The following PTPRT variants were observed in gnomAD, a reference collection of about 807,000 sequenced individuals.
PTPRT encodes protein tyrosine phosphatase receptor type T.
A neutral mutation model predicts 176.8 loss-of-function variants in PTPRT; 56 were observed. The ratio of observed to expected loss-of-function variants is 0.32; its 90% CI spans 0.26 to 0.40. The LOEUF is 0.40. Ranked by LOEUF, PTPRT falls within the 10% of genes least tolerant of loss-of-function variation. The pLI, the probability that PTPRT is intolerant of heterozygous loss-of-function variation, is 1.00. For synonymous variants in PTPRT, 783 were observed against 739.0 expected (o/e 1.06, Z -0.96); for missense variants, 1,540 against 1,908.2 (o/e 0.81, Z 3.60).
chr20:42,298,858 T>A (rs940612634), intron 12 of PTPRT, among the ~76,000 whole-genome samples: 6 of 150,658 alleles, frequency 4.0e-5, no homozygotes, highest in Non-Finnish European at 8.9e-5. Context: ...GAGGGGGAGG[T>A]TGCAGTTGAG....
intron 9 of PTPRT, among the ~76,000 whole-genome samples, chr20:42,400,034 T>G (rs955345182): frequency 6.6e-6 from 1 of 152,200 alleles, no homozygotes; most frequent in African/African-American, 2.4e-5. Context: ...TGGTCCACTT[T>G]GAAATGCACT....
At chr20:42,542,450 C>A (rs754080012) in intron 7 of PTPRT, among the ~76,000 whole-genome samples, 3 of 152,040 alleles carry the variant, frequency 2.0e-5, no homozygotes, top group Non-Finnish European at 2.9e-5. Flanking sequence ...AAATTCCAGA[C>A]ACATAAAATG....
intron 13 of PTPRT, among the ~76,000 whole-genome samples, chr20:42,255,678 T>C (rs1568713384): frequency 6.6e-6 from 1 of 152,246 alleles, no homozygotes; most frequent in Non-Finnish European, 1.5e-5. Context: ...TCTGAAGTGC[T>C]CTCACTGGTG....
chr20:42,696,457 TA>T (rs1382124322), intron 6 of PTPRT, among the ~76,000 whole-genome samples: 2 of 63,252 alleles, frequency 3.2e-5, no homozygotes, highest in Non-Finnish European at 6.0e-5. Context: ...CCACATGAAT[TA>T]TTTTTTTTTT....
intron 7 of PTPRT, among the ~76,000 whole-genome samples, chr20:42,625,409 A>T (rs931069073): frequency 1.3e-5 from 2 of 152,314 alleles, no homozygotes; most frequent in East Asian, 3.9e-4. Flanking sequence ...AGCACCTAGC[A>T]TATGAAACAT....
chr20:43,040,606 T>G (rs1448311747), intron 1 of PTPRT, among the ~76,000 whole-genome samples: 1 of 152,206 alleles, frequency 6.6e-6, no homozygotes, highest in Non-Finnish European at 1.5e-5. Flanking sequence ...TCCCTCGCTG[T>G]CCTTGGTCCT....
At chr20:42,859,826 TCGTGATC>T (rs757265788) in intron 2 of PTPRT, among the ~76,000 whole-genome samples, 2 of 151,638 alleles carry the variant, frequency 1.3e-5, no homozygotes, top group Non-Finnish European at 2.9e-5. Flanking sequence ...TCTCCTGACC[TCGTGATC>T]CACCCGCCTG....
At chr20:42,702,374 G>C (rs2075986552) in intron 6 of PTPRT, among the ~76,000 whole-genome samples, 1 of 152,192 alleles carries the variant, frequency 6.6e-6, no homozygotes, top group South Asian at 2.1e-4. Flanking sequence ...TAAAGAGGAA[G>C]CAGAGAGCCC....
At chr20:42,632,184 C>A (rs950570543) in intron 7 of PTPRT, among the ~76,000 whole-genome samples, 2 of 152,070 alleles carry the variant, frequency 1.3e-5, no homozygotes, top group African/African-American at 4.8e-5. Context: ...GCATTGCTGG[C>A]ACAACCCCAA....
chr20:43,079,005 G>A (rs538686886), intron 1 of PTPRT, among the ~76,000 whole-genome samples: 150 of 152,128 alleles, frequency 9.9e-4, no homozygotes, highest in African/African-American at 3.6e-3. Flanking sequence ...CTACAGTTCT[G>A]TTCTAGACCC....
At chr20:43,126,934 G>A (rs1206259406) in intron 1 of PTPRT, among the ~76,000 whole-genome samples, 4 of 152,038 alleles carry the variant, frequency 2.6e-5, no homozygotes, top group Admixed American at 6.5e-5. Flanking sequence ...ACATCGAAAC[G>A]GAATCAACTG....
chr20:42,273,765 T>A (rs1345237339), intron 13 of PTPRT, among the ~76,000 whole-genome samples: 1 of 152,260 alleles, frequency 6.6e-6, no homozygotes, highest in East Asian at 1.9e-4. Context: ...ATTACATACA[T>A]TTCTAAATTT....
intron 1 of PTPRT, among the ~76,000 whole-genome samples, chr20:42,999,669 T>G (rs1471869725): frequency 1.3e-5 from 2 of 151,674 alleles, no homozygotes; most frequent in African/African-American, 2.4e-5. Flanking sequence ...CAGCTGGGCA[T>G]GATGGCGCAT....
At chr20:42,754,590 T>C (rs8122735) in intron 6 of PTPRT, among the ~76,000 whole-genome samples, 9,998 of 152,158 alleles carry the variant, frequency 0.066, 1,041 homozygotes, top group African/African-American at 0.23. Flanking sequence ...GCCACACAAA[T>C]TAATCTTATG....
At chr20:43,011,604 G>A (rs1176733117) in intron 1 of PTPRT, among the ~76,000 whole-genome samples, 1 of 152,160 alleles carries the variant, frequency 6.6e-6, no homozygotes, top group Non-Finnish European at 1.5e-5. Flanking sequence ...GAGGAAGCTG[G>A]CAGGTATTTA....
intron 17 of PTPRT, among the ~76,000 whole-genome samples, chr20:42,155,235 T>C (rs566913120): frequency 3.9e-4 from 60 of 152,368 alleles, no homozygotes; most frequent in African/African-American, 1.2e-3. Flanking sequence ...GTAACTCTAA[T>C]GCGCAACCCA....
chr20:42,794,920 A>G (rs754946458), intron 2 of PTPRT, among the ~76,000 whole-genome samples: 2 of 152,026 alleles, frequency 1.3e-5, no homozygotes, highest in Non-Finnish European at 2.9e-5. Context: ...AGCCCACCTT[A>G]TATAGGTCTG....
intron 9 of PTPRT, among the ~76,000 whole-genome samples, chr20:42,415,700 T>C (rs1030178885): frequency 6.6e-6 from 1 of 152,206 alleles, no homozygotes; most frequent in Admixed American, 6.5e-5. Context: ...TGCATACATA[T>C]ATGAAATTCT....
At chr20:42,195,300 C>T (rs1230997030) in intron 16 of PTPRT, among the ~76,000 whole-genome samples, 1 of 152,208 alleles carries the variant, frequency 6.6e-6, no homozygotes, top group African/African-American at 2.4e-5. Context: ...AACAACTATT[C>T]TGTGCCCTAC....
Sources: allele counts gnomAD v4.1 joint callset (sites outside exome capture counted in the v4.1 genomes callset), GRCh38; gene constraint gnomAD v4.1.1; transcripts MANE v1.5; gene names NCBI Gene and HGNC (gene_info 2026-07-23, HGNC 2026-07-21).